TRIO: variants seen among roughly 807,000 people sequenced by gnomAD.
TRIO encodes the protein triple functional domain protein.
Under a neutral mutation model 351.9 loss-of-function variants are expected in TRIO, and 58 were observed. The observed-to-expected ratio is 0.16, with a 90% confidence interval of 0.13 to 0.21. TRIO has a LOEUF of 0.21. Ranked by LOEUF, TRIO falls within the 10% of genes least tolerant of loss-of-function variation. The pLI is 1.00. For missense variants in TRIO, 3,201 were observed against 4,027.8 expected (o/e 0.79, Z 5.56); for synonymous variants, 1,758 against 1,595.7 (o/e 1.10, Z -2.42).
At chr5:14,239,114 CA>C (rs1267541449) in intron 1 of TRIO, among the ~76,000 whole-genome samples, 1 of 152,034 alleles carries the variant, frequency 6.6e-6, no homozygotes, top group Non-Finnish European at 1.5e-5. Flanking sequence ...ATGTAGTCAA[CA>C]GAGTTCAGAA....
At chr5:14,152,310 A>G (rs578069891) in intron 1 of TRIO, among the ~76,000 whole-genome samples, 2 of 152,292 alleles carry the variant, frequency 1.3e-5, no homozygotes, top group African/African-American at 4.8e-5. Flanking sequence ...GAAAAGCAAA[A>G]CAAAACAAAA....
chr5:14,145,379 C>T (rs1441804444), intron 1 of TRIO, among the ~76,000 whole-genome samples: 3 of 152,092 alleles, frequency 2.0e-5, no homozygotes, highest in Admixed American at 6.5e-5. Flanking sequence ...GTGACACAGC[C>T]GACTGTCCAG....
chr5:14,381,101 CTG>C, intron 20 of TRIO, 27 bp from the exon 21 acceptor site: 1 of 1,606,814 alleles, frequency 6.2e-7, no homozygotes, highest in South Asian at 1.1e-5. Context: ...GTGTAGCCCT[CTG>C]ACTCCATTCA....
chr5:14,202,632 C>T (rs112140369), intron 1 of TRIO, among the ~76,000 whole-genome samples: 94 of 150,690 alleles, frequency 6.2e-4, no homozygotes, highest in African/African-American at 2.3e-3. Flanking sequence ...ATACTGTTCT[C>T]GTGGTTGTGA....
intron 1 of TRIO, among the ~76,000 whole-genome samples, chr5:14,192,924 A>T (rs164519): frequency 4.5e-4 from 69 of 152,388 alleles, no homozygotes; most frequent in African/African-American, 1.6e-3. Flanking sequence ...GAGTGATTAC[A>T]GTAAAGGAAA....
intron 53 of TRIO, 52 bp from the exon 54 acceptor site, chr5:14,502,527 C>T (rs1757369927): frequency 1.9e-6 from 3 of 1,593,188 alleles, no homozygotes; most frequent in South Asian, 1.1e-5. Flanking sequence ...AGCCTTCTTA[C>T]CCAAGAAGCT....
intron 21 of TRIO, 66 bp from the exon 22 acceptor site, chr5:14,387,372 C>T (rs1291812909): frequency 1.3e-6 from 2 of 1,506,836 alleles, no homozygotes; most frequent in Non-Finnish European, 1.8e-6. Flanking sequence ...CAAGTCGCCA[C>T]TGTGTTTGAG....
In TRIO at chr5:14,305,531, A is replaced by G. The variant is rs13436432; in HGVS notation, c.1500+939A>G. The stretch of plus-strand genomic sequence containing the variant: ...GAAAGATTATCGCAAGGCTTCTGTA[A>G]GAGTTTCACAGCACCTGGAAGAGTG... On this transcript the variant is annotated intron_variant, in intron 8 of 56. Coordinates refer to ENST00000344204, the MANE Select transcript of TRIO (RefSeq NM_007118.4). Among the ~76,000 whole-genome samples the G allele has an allele frequency of 7.4e-4, 112 of 152,372 alleles. No homozygotes were observed. The Middle Eastern group carries it at 0.024, about 32-fold the overall frequency.
At chr5:14,177,396 C>G (rs1379447608) in intron 1 of TRIO, among the ~76,000 whole-genome samples, 2 of 152,106 alleles carry the variant, frequency 1.3e-5, no homozygotes, top group Non-Finnish European at 2.9e-5. Flanking sequence ...GCACTTCTGG[C>G]ACTTGTGTGA....
intron 8 of TRIO, among the ~76,000 whole-genome samples, chr5:14,306,219 T>C (rs912661178): frequency 4.7e-5 from 7 of 149,908 alleles, no homozygotes; most frequent in Non-Finnish European, 7.5e-5. Context: ...ATACAGTTTT[T>C]TCAAGTAACA....
At chr5:14,192,212 ATTAT>A (rs1320994384) in intron 1 of TRIO, among the ~76,000 whole-genome samples, 1 of 151,968 alleles carries the variant, frequency 6.6e-6, no homozygotes, top group African/African-American at 2.4e-5. Flanking sequence ...AGGTTTCCAA[ATTAT>A]TTATTTTACA....
At chr5:14,422,837 T>C (rs1750293001) in intron 34 of TRIO, among the ~76,000 whole-genome samples, 3 of 152,236 alleles carry the variant, frequency 2.0e-5, no homozygotes, top group Admixed American at 2.0e-4. Context: ...AGAAATGCTA[T>C]CTTGTGGCCA....
chr5:14,240,628 A>G (rs532993709), intron 1 of TRIO, among the ~76,000 whole-genome samples: 2 of 152,212 alleles, frequency 1.3e-5, no homozygotes, highest in East Asian at 1.9e-4. Flanking sequence ...GGGAGTGGGT[A>G]TGATTCCATG....
chr5:14,503,508 A>G (rs956085154), intron 54 of TRIO, among the ~76,000 whole-genome samples: 5 of 152,204 alleles, frequency 3.3e-5, no homozygotes, highest in Admixed American at 2.6e-4. Context: ...ACCATGCCCC[A>G]TGCGTGTCAG....
chr5:14,310,386 G>A (rs189665872), intron 8 of TRIO, among the ~76,000 whole-genome samples: 23 of 152,378 alleles, frequency 1.5e-4, no homozygotes, highest in Non-Finnish European at 1.5e-5. Context: ...GCCATGGGGC[G>A]TTGGCCTGCT....
chr5:14,315,224 G>A (rs1051865235), intron 8 of TRIO, among the ~76,000 whole-genome samples: 1 of 148,694 alleles, frequency 6.7e-6, no homozygotes, highest in Admixed American at 6.7e-5. Context: ...GCTTGTGTCT[G>A]TTAAAAGTGC....
chr5:14,378,374 A>G (rs533432158), intron 20 of TRIO, among the ~76,000 whole-genome samples: 9 of 152,362 alleles, frequency 5.9e-5, no homozygotes, highest in African/African-American at 1.9e-4. Context: ...CTAAGACAGC[A>G]AAGTACAAGT....
chr5:14,199,188 T>C (rs112954504), intron 1 of TRIO, among the ~76,000 whole-genome samples: 5 of 60,544 alleles, frequency 8.3e-5, no homozygotes, highest in African/African-American at 3.6e-4. Context: ...GGCAACAGAG[T>C]GGGACTCAAA....
chr5:14,374,447 T>A, intron 19 of TRIO, 104 bp downstream of exon 19: 1 of 714,704 alleles, frequency 1.4e-6, no homozygotes, highest in Non-Finnish European at 2.2e-6. Flanking sequence ...AGTTTCATTT[T>A]AAATGTCCGT....
Sources: gnomAD v4.1 joint callset for allele counts (sites outside exome capture counted in the v4.1 genomes callset) on GRCh38, gnomAD v4.1.1 for gene constraint, MANE v1.5 for transcripts, NCBI Gene and HGNC (gene_info 2026-07-23, HGNC 2026-07-21) for gene names.